PREX2: variants seen among roughly 807,000 people sequenced by gnomAD.
PREX2 encodes phosphatidylinositol-3,4,5-trisphosphate dependent Rac exchange factor 2.
Under a neutral mutation model 203.2 loss-of-function variants are expected in PREX2, and 107 were observed. The ratio of observed to expected loss-of-function variants is 0.53; its 90% CI spans 0.45 to 0.62. The LOEUF is 0.62. Among genes scored for constraint, PREX2 ranks in the 20% least tolerant of loss-of-function variants. PREX2 has a pLI of 0.00. For missense variants in PREX2, 1,777 were observed against 1,955.9 expected (o/e 0.91, Z 1.72); for synonymous variants, 672 against 663.6 (o/e 1.01, Z -0.19).
At chr8:68,118,847 G>A (rs1810710823) in intron 27 of PREX2, 2 of 707,232 alleles carry the variant, frequency 2.8e-6, no homozygotes, top group Non-Finnish European at 5.2e-6. Flanking sequence ...GAGTTAAAAA[G>A]CAATGAAATA....
chr8:68,217,834 C>A, intron 38 of PREX2, 116 bp downstream of exon 38: 2 of 596,832 alleles, frequency 3.4e-6, no homozygotes, highest in South Asian at 2.4e-5. Flanking sequence ...GTTTACTAGG[C>A]TCAGAGGTAA....
chr8:68,152,439 T>TGTAA (rs61153256), intron 34 of PREX2, among the ~76,000 whole-genome samples: 6,034 of 151,934 alleles, frequency 0.04, 403 homozygotes, highest in African/African-American at 0.14. Context: ...TGTGGGAAGG[T>TGTAA]GTAAACCCAC....
chr8:68,012,383 G>A (rs1807290133), intron 1 of PREX2, among the ~76,000 whole-genome samples: 1 of 152,146 alleles, frequency 6.6e-6, no homozygotes, highest in South Asian at 2.1e-4. Flanking sequence ...CTGAAAAAGA[G>A]TAAAACATCT....
chr8:68,078,769 A>G (rs1252580831), intron 15 of PREX2, among the ~76,000 whole-genome samples: 2 of 150,966 alleles, frequency 1.3e-5, no homozygotes, highest in Non-Finnish European at 2.9e-5. Context: ...GAAAACCTTC[A>G]AAAGTTTCAA....
intron 38 of PREX2, among the ~76,000 whole-genome samples, chr8:68,220,614 C>T (rs186864972): frequency 3.3e-5 from 5 of 152,062 alleles, no homozygotes; most frequent in Non-Finnish European, 4.4e-5. Flanking sequence ...CGGGCACAAG[C>T]AAGCAAGTTT....
intron 37 of PREX2, among the ~76,000 whole-genome samples, chr8:68,208,142 C>G (rs1289478630): frequency 6.6e-6 from 1 of 151,960 alleles, no homozygotes; most frequent in Non-Finnish European, 1.5e-5. Flanking sequence ...GAGGTTGCAC[C>G]AATCTAGGCA....
chr8:68,235,987 A>T lies in PREX2; in HGVS notation c.*4609A>T, dbSNP rs1813257571. On this transcript the variant is annotated 3_prime_UTR_variant, in exon 40 of 40. Transcript: ENST00000288368. ...TCTACTAAATGAGATATATATGTGT[A>T]TGTATATGCCTATATATATTATTAT... The T allele has an allele frequency of 6.6e-6, 1 of 152,192 alleles. No homozygotes were observed. Among genetic ancestry groups the T allele is most frequent in the Non-Finnish European group, 1.5e-5 (1 of 68,028 alleles). 9.4% of individuals were successfully genotyped at this position (152,192 alleles called of 1,614,324 possible).
intron 1 of PREX2, among the ~76,000 whole-genome samples, chr8:67,993,433 G>T (rs1457337513): frequency 6.7e-6 from 1 of 149,162 alleles, no homozygotes; most frequent in African/African-American, 2.5e-5. Flanking sequence ...TTGAGACAGG[G>T]TCTCACTCTG....
At chr8:68,070,121 A>T (rs890665353) in intron 13 of PREX2, among the ~76,000 whole-genome samples, 1 of 151,864 alleles carries the variant, frequency 6.6e-6, no homozygotes, top group Non-Finnish European at 1.5e-5. Context: ...ATTAGTTCAT[A>T]GTAAATTATA....
chr8:68,172,914 A>G (rs1399297290), intron 35 of PREX2, among the ~76,000 whole-genome samples: 1 of 152,200 alleles, frequency 6.6e-6, no homozygotes, highest in Non-Finnish European at 1.5e-5. Flanking sequence ...ATTTGCTCAA[A>G]TAGTGTGATT....
At position 68,103,484 on chromosome 8, in the gene PREX2, G is replaced by A. The variant is rs144616992; in HGVS notation, c.2715+3641G>A. ...TCAGAAATTGTTTATTCGTGTCAGC[G>A]TACAAATATGTTTTATATCACCTAC... On this transcript the variant is annotated intron_variant, in intron 23 of 39. Coordinates refer to ENST00000288368, the MANE Select transcript of PREX2 (RefSeq NM_024870.4). 415 of 511,222 alleles carry A rather than the reference G, an allele frequency of 8.1e-4. 1 individual carries two copies. Among genetic ancestry groups the A allele is most frequent in the African/African-American group, 6.9e-3 (355 of 51,624 alleles). 31.7% of individuals were successfully genotyped at this position (511,222 alleles called of 1,614,324 possible).
chr8:67,990,588 C>A (rs150761558), intron 1 of PREX2, among the ~76,000 whole-genome samples: 4,582 of 151,474 alleles, frequency 0.03, 224 homozygotes, highest in African/African-American at 0.1. Context: ...CAGCTCACTG[C>A]AACCTCCGCC....
chr8:68,109,655 C>T, intron 25 of PREX2, 32 bp downstream of exon 25: 1 of 1,562,354 alleles, frequency 6.4e-7, no homozygotes, highest in Non-Finnish European at 8.8e-7. Flanking sequence ...TTTAAGTTTG[C>T]CAAATAAAAT....
rs1585646852 is a variant in PREX2 at position 67,952,218 on chromosome 8, C to T, written c.-177C>T. ...CGCCCCCCGCGCCGGGATTTCAGCC[C>T]GATCCCCTCCTCTCCCTGCGCCCAG... On this transcript the variant is annotated 5_prime_UTR_variant, in exon 1 of 40. Coordinates refer to ENST00000288368, the MANE Select transcript of PREX2 (RefSeq NM_024870.4). 2 of 478,386 alleles carry T rather than the reference C, an allele frequency of 4.2e-6. No individual in the cohort carries two copies. The highest frequency in any genetic ancestry group is 2.0e-5 in the African/African-American group (1 of 48,828). The allele number at this position is 478,386 out of a possible 1,614,324, so 29.6% of individuals were successfully genotyped here.
intron 19 of PREX2, 109 bp from the exon 20 acceptor site, chr8:68,090,470 A>G (rs1205005120): frequency 7.4e-6 from 7 of 948,084 alleles, no homozygotes; most frequent in Non-Finnish European, 1.1e-5. Context: ...AGATTATACT[A>G]GCTAGACTTT....
At chr8:68,220,343 G>T (rs1812930491) in intron 38 of PREX2, 2 of 152,028 alleles carry the variant, frequency 1.3e-5, no homozygotes, top group African/African-American at 4.8e-5. Context: ...ATTAATAAAA[G>T]GCTTGCAGTA....
chr8:67,969,092 A>C (rs1805854025), intron 1 of PREX2, among the ~76,000 whole-genome samples: 1 of 152,182 alleles, frequency 6.6e-6, no homozygotes, highest in Non-Finnish European at 1.5e-5. Context: ...TGGGGTCACC[A>C]TGCCAGAGCC....
chr8:68,137,302 C>G (rs1174481617), intron 32 of PREX2, among the ~76,000 whole-genome samples: 1 of 152,014 alleles, frequency 6.6e-6, no homozygotes, highest in South Asian at 2.1e-4. Context: ...GGGTCTTGCT[C>G]TGTCGCCCAG....
chr8:68,111,318 C>T (rs1048153833), intron 25 of PREX2, among the ~76,000 whole-genome samples: 115 of 152,086 alleles, frequency 7.6e-4, no homozygotes, highest in African/African-American at 2.2e-3. Context: ...TGACACTGCT[C>T]AGGGACTAAT....
Sources: allele counts gnomAD v4.1 joint callset (sites outside exome capture counted in the v4.1 genomes callset), GRCh38; gene constraint gnomAD v4.1.1; transcripts MANE v1.5; gene names NCBI Gene and HGNC (gene_info 2026-07-23, HGNC 2026-07-21).